RYR2: variants seen among roughly 807,000 people sequenced by gnomAD.
RYR2 encodes the protein cardiac muscle ryanodine receptor-calcium release channel.
Under a neutral mutation model 601.1 loss-of-function variants are expected in RYR2, and 227 were observed. The observed-to-expected ratio is 0.38, with a 90% CI of 0.34 to 0.42. The LOEUF (loss-of-function observed/expected upper bound fraction) is 0.42, where lower values mean the gene tolerates loss of function less well. Among genes scored for constraint, RYR2 ranks in the 10% least tolerant of loss-of-function variants. RYR2 has a pLI of 1.00. For missense variants in RYR2, 4,646 were observed against 6,156.5 expected (o/e 0.75, Z 8.21); for synonymous variants, 2,223 against 2,175.1 (o/e 1.02, Z -0.61).
intron 88 of RYR2, among the ~76,000 whole-genome samples, chr1:237,780,753 G>C (rs780358404): frequency 1.3e-5 from 2 of 152,152 alleles, no homozygotes; most frequent in Non-Finnish European, 2.9e-5. Flanking sequence ...TTAGTACAAT[G>C]TTGTACTAAT....
At chr1:237,645,688 T>A (rs1051733732) in intron 48 of RYR2, among the ~76,000 whole-genome samples, 1 of 152,196 alleles carries the variant, frequency 6.6e-6, no homozygotes, top group Non-Finnish European at 1.5e-5. Flanking sequence ...AGTTTTCAAG[T>A]TGCTTTCTTT....
intron 8 of RYR2, among the ~76,000 whole-genome samples, chr1:237,386,303 T>C (rs1330525502): frequency 1.3e-5 from 2 of 152,242 alleles, no homozygotes; most frequent in Non-Finnish European, 2.9e-5. Context: ...GACTTGAGAA[T>C]AGTATCTTTA....
In RYR2 at chr1:237,660,037, A is replaced by G; in HGVS notation, c.8261A>G (p.Gln2754Arg). ...ATATATTCAGACTCTTCTAAGGTTC[A>G]GCCATTAATGAAGCCATATAAGCTA... The part of the protein sequence containing the change: ...GEIYSDSSKV[Q>R]PLMKPYKLLS... Residue 2754 changes from glutamine (Q) to arginine (R), a missense_variant, in exon 55 of 105, where the codon CAG becomes CGG. By Grantham distance (43) the Gln-to-Arg change is conservative (BLOSUM62 1). This residue lies in a region of RYR2 where 1,497 missense variants were observed against 1,842.6 expected (regional missense o/e 0.81). Transcript: ENST00000366574. 6.3e-7 allele frequency: 1 copy of G among 1,587,838 alleles called. No homozygotes were observed. The highest frequency in any genetic ancestry group is 1.4e-5 in the African/African-American group (1 of 73,734).
At chr1:237,042,603 A>T in intron 1 of RYR2, 34 bp downstream of exon 1, 1 of 1,252,824 alleles carries the variant, frequency 8.0e-7, no homozygotes, top group Non-Finnish European at 1.0e-6. Flanking sequence ...CTGTCAGGGG[A>T]AGGGGGCGTC....
intron 38 of RYR2, among the ~76,000 whole-genome samples, chr1:237,619,745 T>G (rs769595566): frequency 2.6e-5 from 4 of 151,802 alleles, no homozygotes; most frequent in Non-Finnish European, 5.9e-5. Flanking sequence ...GAGAAACAAT[T>G]TGAGTGACAG....
intron 1 of RYR2, among the ~76,000 whole-genome samples, chr1:237,207,534 C>T (rs1681953485): frequency 6.6e-6 from 1 of 152,218 alleles, no homozygotes; most frequent in Admixed American, 6.5e-5. Context: ...CCATCACACT[C>T]CAGCCTGGGC....
chr1:237,270,991 A>G (rs905436844), intron 2 of RYR2, among the ~76,000 whole-genome samples: 3 of 152,198 alleles, frequency 2.0e-5, no homozygotes, highest in Non-Finnish European at 4.4e-5. Flanking sequence ...ATAGACTTTC[A>G]ATTTTCCATA....
chr1:237,150,463 G>A (rs1172931673), intron 1 of RYR2, among the ~76,000 whole-genome samples: 3 of 152,032 alleles, frequency 2.0e-5, no homozygotes, highest in Admixed American at 1.3e-4. Flanking sequence ...TTGTATCCCC[G>A]GTGCTTAACC....
intron 43 of RYR2, among the ~76,000 whole-genome samples, chr1:237,633,958 A>G (rs1001496616): frequency 2.6e-5 from 4 of 152,148 alleles, no homozygotes; most frequent in African/African-American, 9.7e-5. Flanking sequence ...AAGACAAAAC[A>G]TAATAAGTGT....
chr1:237,699,075 G>GTATA (rs755016361), intron 64 of RYR2, 50 bp downstream of exon 64: 103 of 849,448 alleles, frequency 1.2e-4, no homozygotes, highest in Non-Finnish European at 1.6e-4. Context: ...AATGATACAT[G>GTATA]TATATATATA....
At chr1:237,110,963 A>G (rs992800537) in intron 1 of RYR2, among the ~76,000 whole-genome samples, 16 of 152,142 alleles carry the variant, frequency 1.1e-4, no homozygotes, top group Admixed American at 9.2e-4. Flanking sequence ...ATTCAATGAC[A>G]TTTTCAAGGT....
rs1375995287 is a variant in RYR2 at position 237,631,429 on chromosome 1, A to T, written c.6443A>T (p.Asp2148Val). ...CATACGTCCATTGTCCTTTCTAGGG[A>T]TATTATGAATAACAAAGTGTTTTAC... ...EEKLMIRGLG[D>V]IMNNKVFYQH... The change falls in exon 42 of 105, where the codon GAT becomes GTT. Residue 2148 changes from aspartate (D) to valine (V), a missense_variant and splice_region_variant. Physicochemically the swap from Asp to Val is radical, Grantham distance 152. Coordinates refer to ENST00000366574, the MANE Select transcript of RYR2 (RefSeq NM_001035.3). The T allele has an allele frequency of 1.2e-6, 2 of 1,604,912 alleles. No individual in the cohort carries two copies. Among genetic ancestry groups the T allele is most frequent in the African/African-American group, 1.3e-5 (1 of 74,564 alleles).
At chr1:237,451,906 A>C in intron 14 of RYR2, among the ~76,000 whole-genome samples, 1 of 150,364 alleles carries the variant, frequency 6.7e-6, no homozygotes, top group African/African-American at 2.4e-5. Flanking sequence ...TGTTTTTCTT[A>C]TGTGGTTTAT....
chr1:237,087,441 T>TA (rs1396308589), intron 1 of RYR2, among the ~76,000 whole-genome samples: 1 of 152,188 alleles, frequency 6.6e-6, no homozygotes, highest in African/African-American at 2.4e-5. Context: ...AAAATCAGGA[T>TA]AAAAAATGTA....
At position 237,792,382 on chromosome 1, in the gene RYR2, C is replaced by CGTGTGTGT. The variant is rs1359233766; in HGVS notation, c.13782+67_13782+74dup. 3.1e-4 allele frequency: 206 copies of CGTGTGTGT among 667,094 alleles called. 4 individuals carry two copies. The highest frequency in any genetic ancestry group is 2.6e-3 in the African/African-American group (108 of 42,272). The allele number at this position is 667,094 out of a possible 1,614,324, so 41.3% of individuals were successfully genotyped here. A position where few individuals can be genotyped will look rare whatever the true frequency, so the allele number is the denominator to read the frequency against. ...GTGTGTGTGTGTGTGTGTGTGTGTG[C>CGTGTGTGT]GTGTGTGTGTGTGTGCGTGTGTGTG... On this transcript the variant is annotated intron_variant, in intron 94 of 104. Transcript: ENST00000366574.
At chr1:237,407,651 C>G (rs1312425874) in intron 10 of RYR2, among the ~76,000 whole-genome samples, 1 of 137,022 alleles carries the variant, frequency 7.3e-6, no homozygotes, top group African/African-American at 2.7e-5. Context: ...GAGTCTGGCT[C>G]TGTTGCTCAG....
chr1:237,108,854 A>C (rs145386085), intron 1 of RYR2, among the ~76,000 whole-genome samples: 93 of 152,332 alleles, frequency 6.1e-4, no homozygotes, highest in African/African-American at 2.2e-3. Context: ...ATTTCTGAGC[A>C]AGCTCAGCTT....
At chr1:237,790,072 T>G (rs1398795442) in intron 92 of RYR2, among the ~76,000 whole-genome samples, 1 of 152,206 alleles carries the variant, frequency 6.6e-6, no homozygotes, top group African/African-American at 2.4e-5. Context: ...TTTATTATGG[T>G]AAATCCCCTG....
chr1:237,631,848 T>G (rs894604278), intron 42 of RYR2, among the ~76,000 whole-genome samples: 1 of 131,574 alleles, frequency 7.6e-6, no homozygotes, highest in African/African-American at 3.1e-5. Flanking sequence ...CAGGATGGTC[T>G]CGATCTCCTG....
Sources: allele counts gnomAD v4.1 joint callset (sites outside exome capture counted in the v4.1 genomes callset), GRCh38; gene constraint gnomAD v4.1.1; regional missense constraint gnomAD v4.1.1; transcripts MANE v1.5; gene names NCBI Gene and HGNC (gene_info 2026-07-23, HGNC 2026-07-21).